CDIN1: variants seen among roughly 807,000 people sequenced by gnomAD.
The protein encoded by CDIN1 is CDAN1 interacting nuclease 1.
In CDIN1, 33 loss-of-function variants were observed where a neutral mutation model predicts 45.3. The ratio of observed to expected loss-of-function variants is 0.73; its 90% CI spans 0.55 to 0.97. CDIN1 has a LOEUF of 0.97. Among genes scored for constraint, CDIN1 ranks in the 50% least tolerant of loss-of-function variants. The pLI is 0.00. For synonymous variants in CDIN1, 118 were observed against 124.4 expected (o/e 0.95, Z 0.34); for missense variants, 303 against 339.4 (o/e 0.89, Z 0.84).
intron 7 of CDIN1, among the ~76,000 whole-genome samples, chr15:36,696,087 C>A (rs2042414809): frequency 6.6e-6 from 1 of 152,058 alleles, no homozygotes. Flanking sequence ...TGTGCAGGTT[C>A]CTTCTAGGCC....
rs2042103295 is a variant in CDIN1 at position 36,687,500 on chromosome 15, A to AC, written c.347-4185_347-4184insC. Among the ~76,000 whole-genome samples, 7 of 152,348 alleles carry AC rather than the reference A, an allele frequency of 4.6e-5. No individual in the cohort carries two copies. In the East Asian group the frequency reaches 1.3e-3, roughly 29 times the overall value. ...TGCAGAAGTATTACCACTAGGTCAC[A>AC]TTAAATTTAACAGAAAACCTTTATT... On this transcript the variant is annotated intron_variant, in intron 5 of 10. Coordinates refer to ENST00000566621, the MANE Select transcript of CDIN1 (RefSeq NM_001321759.2).
At chr15:36,618,378 A>G in intron 1 of CDIN1, 1 of 695,506 alleles carries the variant, frequency 1.4e-6, no homozygotes, top group East Asian at 2.5e-5. Flanking sequence ...GGAGACTTCC[A>G]CTTTGCAGAT....
intron 10 of CDIN1, among the ~76,000 whole-genome samples, chr15:36,774,807 C>T (rs942443598): frequency 5.9e-5 from 9 of 152,242 alleles, no homozygotes; most frequent in African/African-American, 1.7e-4. Flanking sequence ...ATAAATCTGT[C>T]GCATTATTAA....
intron 5 of CDIN1, among the ~76,000 whole-genome samples, chr15:36,682,169 C>T (rs1165261535): frequency 6.6e-6 from 1 of 151,836 alleles, no homozygotes; most frequent in Admixed American, 6.6e-5. Flanking sequence ...CCCAGGAGAA[C>T]TGATAGTGTA....
chr15:36,775,457 A>C (rs985451460), intron 10 of CDIN1, among the ~76,000 whole-genome samples: 14 of 152,212 alleles, frequency 9.2e-5, no homozygotes, highest in Non-Finnish European at 1.5e-4. Flanking sequence ...TAGAGTCTAC[A>C]TCTTGGTTAG....
intron 8 of CDIN1, chr15:36,705,600 T>C (rs919017846): frequency 6.6e-6 from 1 of 152,132 alleles, no homozygotes; most frequent in Admixed American, 6.6e-5. Flanking sequence ...TCTACAATTT[T>C]GCTAGTTCAG....
chr15:36,780,805 C>T (rs74008782), intron 10 of CDIN1, among the ~76,000 whole-genome samples: 2,589 of 152,246 alleles, frequency 0.017, 65 homozygotes, highest in African/African-American at 0.06. Flanking sequence ...GGTCAGAGAA[C>T]TAGTAAGTGG....
At chr15:36,750,147 A>T (rs1365882472) in intron 10 of CDIN1, among the ~76,000 whole-genome samples, 1 of 151,876 alleles carries the variant, frequency 6.6e-6, no homozygotes, top group African/African-American at 2.4e-5. Context: ...CCAAACCAAA[A>T]AACCTATGTG....
In CDIN1 at chr15:36,647,087, G is replaced by A. The variant is rs114730308; in HGVS notation, c.212+1800G>A. ...CACCCAGTCTGAGGTGCAGTGGCACGATCATAACTCACTGCAGCCTCAACC... is the reference window on the plus strand; with the variant it reads ...CACCCAGTCTGAGGTGCAGTGGCACAATCATAACTCACTGCAGCCTCAACC... On this transcript the variant is annotated intron_variant, in intron 3 of 10. Transcript: ENST00000566621. Among the ~76,000 whole-genome samples the A allele has an allele frequency of 3.8e-3, 519 of 136,028 alleles. 4 individuals carry two copies. The highest frequency in any genetic ancestry group is 0.014 in the African/African-American group (490 of 35,608). The allele number at this position is 136,028 out of a possible 152,430, so 89.2% of individuals were successfully genotyped here. A position where few individuals can be genotyped will look rare whatever the true frequency, so the allele number is the denominator to read the frequency against.
intron 10 of CDIN1, chr15:36,734,298 T>G: frequency 2.9e-6 from 1 of 349,370 alleles, no homozygotes; most frequent in Non-Finnish European, 5.6e-6. Flanking sequence ...AACATGTTCA[T>G]GTACACTTTG....
At chr15:36,594,071 T>C (rs996759728) in intron 1 of CDIN1, among the ~76,000 whole-genome samples, 40 of 152,244 alleles carry the variant, frequency 2.6e-4, no homozygotes, top group Non-Finnish European at 5.1e-4. Flanking sequence ...TTTGCAGTTC[T>C]GCTAATCACA....
intron 5 of CDIN1, among the ~76,000 whole-genome samples, chr15:36,690,459 G>A (rs1302901941): frequency 1.3e-5 from 2 of 151,784 alleles, no homozygotes; most frequent in Non-Finnish European, 1.5e-5. Context: ...TAGTAGAGAC[G>A]GGGTTTCACC....
chr15:36,766,259 A>G (rs1213485794), intron 10 of CDIN1, among the ~76,000 whole-genome samples: 1 of 152,158 alleles, frequency 6.6e-6, no homozygotes, highest in Admixed American at 6.6e-5. Flanking sequence ...AGCCTGAATA[A>G]TATTCCACTG....
intron 10 of CDIN1, among the ~76,000 whole-genome samples, chr15:36,793,167 C>G (rs2054692914): frequency 6.6e-6 from 1 of 152,164 alleles, no homozygotes; most frequent in African/African-American, 2.4e-5. Flanking sequence ...CTGCATAGCT[C>G]TCTTAACAAC....
intron 5 of CDIN1, among the ~76,000 whole-genome samples, chr15:36,681,167 GTAAA>G (rs558634711): frequency 1.3e-5 from 2 of 151,974 alleles, no homozygotes; most frequent in East Asian, 3.9e-4. Context: ...TATAAACTGA[GTAAA>G]TAAAAATAAC....
chr15:36,771,460 G>A (rs2054075483), intron 10 of CDIN1, among the ~76,000 whole-genome samples: 1 of 152,210 alleles, frequency 6.6e-6, no homozygotes, highest in South Asian at 2.1e-4. Flanking sequence ...TGTGTGGCCT[G>A]GGCATCGATG....
chr15:36,797,496 A>T (rs746676969), intron 10 of CDIN1, among the ~76,000 whole-genome samples: 1 of 152,074 alleles, frequency 6.6e-6, no homozygotes, highest in Non-Finnish European at 1.5e-5. Flanking sequence ...CACCACTTTA[A>T]CCATCAGTAG....
At chr15:36,794,346 A>AT (rs1220019660) in intron 10 of CDIN1, among the ~76,000 whole-genome samples, 1 of 152,094 alleles carries the variant, frequency 6.6e-6, no homozygotes, top group East Asian at 1.9e-4. Context: ...GTGTGACATC[A>AT]TAACTATTTT....
chr15:36,740,423 GA>G (rs1270292351), intron 10 of CDIN1, among the ~76,000 whole-genome samples: 1 of 152,156 alleles, frequency 6.6e-6, no homozygotes, highest in African/African-American at 2.4e-5. Context: ...TTAGATCCGA[GA>G]TTATGCAGGG....
Sources: gnomAD v4.1 joint callset for allele counts (sites outside exome capture counted in the v4.1 genomes callset) on GRCh38, gnomAD v4.1.1 for gene constraint, MANE v1.5 for transcripts, NCBI Gene and HGNC (gene_info 2026-07-23, HGNC 2026-07-21) for gene names.